LRP1B: variants seen among roughly 807,000 people sequenced by gnomAD.
LRP1B encodes low-density lipoprotein receptor-related protein 1B.
In LRP1B, 217 loss-of-function variants were observed where a neutral mutation model predicts 556.6. The observed-to-expected ratio is 0.39, with a 90% CI of 0.35 to 0.44. The LOEUF is 0.44. Ranked by LOEUF, LRP1B falls within the 20% of genes least tolerant of loss-of-function variation. The probability of loss-of-function intolerance (pLI) is 1.00; values close to 1 mark genes in which losing one functional copy is unlikely to be tolerated. For synonymous variants in LRP1B, 2,047 were observed against 1,865.8 expected, an observed-to-expected ratio of 1.10 and a Z score of -2.50; for missense variants, 5,053 against 5,620.8, an observed-to-expected ratio of 0.90 and a Z score of 3.23.
In LRP1B at chr2:140,868,137, C is replaced by A. The variant is rs2105156042; in HGVS notation, c.4296G>T (p.Val1432=). ...KTGAWPNGLT[V]DHFEKRIVWT... Reference sequence around the variant, plus strand: ...ACACTATCCTTTTCTCAAAGTGGTCCACAGTTAGTCCATTAGGCCAAGCCC... The same window carrying A: ...ACACTATCCTTTTCTCAAAGTGGTCAACAGTTAGTCCATTAGGCCAAGCCC... The change falls in exon 26 of 91, where the codon GTG becomes GTT. Residue 1432 remains valine, a synonymous_variant. Coordinates refer to ENST00000389484, the MANE Select transcript of LRP1B (RefSeq NM_018557.3). The A allele has an allele frequency of 6.2e-7, 1 of 1,609,310 alleles. No individual in the cohort carries two copies. Among genetic ancestry groups the A allele is most frequent in the Middle Eastern group, 1.7e-4 (1 of 6,032 alleles).
intron 1 of LRP1B, among the ~76,000 whole-genome samples, chr2:141,876,887 C>T (rs1297132050): frequency 1.3e-5 from 2 of 151,850 alleles, no homozygotes; most frequent in African/African-American, 4.8e-5. Context: ...AGTACTTTAT[C>T]AACTACAGGT....
At chr2:140,867,394 T>A (rs1398220998) in intron 27 of LRP1B, among the ~76,000 whole-genome samples, 196 bp downstream of exon 27, 1 of 152,012 alleles carries the variant, frequency 6.6e-6, no homozygotes, top group African/African-American at 2.4e-5. Context: ...AATATTTATA[T>A]GTAAATAAAA....
intron 82 of LRP1B, among the ~76,000 whole-genome samples, chr2:140,317,690 T>A (rs746634125): frequency 6.6e-6 from 1 of 152,144 alleles, no homozygotes; most frequent in Admixed American, 6.6e-5. Flanking sequence ...AGGTTGTGGA[T>A]GTGGACAGTG....
chr2:141,846,592 A>G (rs1018464076), intron 1 of LRP1B, among the ~76,000 whole-genome samples: 1 of 151,600 alleles, frequency 6.6e-6, no homozygotes, highest in Non-Finnish European at 1.5e-5. Context: ...TATAAAACAT[A>G]TTTATACAAA....
intron 84 of LRP1B, among the ~76,000 whole-genome samples, chr2:140,281,129 A>G (rs1032093863): frequency 2.0e-5 from 3 of 151,808 alleles, no homozygotes; most frequent in Admixed American, 1.3e-4. Context: ...TTCTCTTTTA[A>G]TGTTTCTTTT....
intron 20 of LRP1B, among the ~76,000 whole-genome samples, chr2:140,932,277 TATA>T (rs1233991804): frequency 6.6e-6 from 1 of 152,162 alleles, no homozygotes; most frequent in African/African-American, 2.4e-5. Context: ...TACAGATCTT[TATA>T]ATATGTCTGT....
chr2:141,041,017 A>T (rs1195194741), intron 11 of LRP1B, among the ~76,000 whole-genome samples: 2 of 152,070 alleles, frequency 1.3e-5, no homozygotes, highest in Non-Finnish European at 1.5e-5. Context: ...TTAACTTTAT[A>T]GCTCCTAAAA....
intron 25 of LRP1B, among the ~76,000 whole-genome samples, chr2:140,873,676 AAATGT>A (rs1401360864): frequency 6.6e-6 from 1 of 152,014 alleles, no homozygotes; most frequent in Non-Finnish European, 1.5e-5. Context: ...ATAATTAGGT[AAATGT>A]AATGGGATAA....
intron 7 of LRP1B, among the ~76,000 whole-genome samples, chr2:141,179,081 A>C (rs1345787871): frequency 6.6e-6 from 1 of 152,074 alleles, no homozygotes; most frequent in African/African-American, 2.4e-5. Context: ...GCAATTAATA[A>C]ATTTATATGG....
chr2:141,556,829 T>C (rs1259458142), intron 2 of LRP1B, among the ~76,000 whole-genome samples: 3 of 151,774 alleles, frequency 2.0e-5, no homozygotes, highest in Non-Finnish European at 4.4e-5. Context: ...GTTTTAGAGA[T>C]AAGAAAAGGC....
At chr2:141,464,606 A>ATATATATATATATATATATATATT in intron 3 of LRP1B, among the ~76,000 whole-genome samples, 8 of 90,540 alleles carry the variant, frequency 8.8e-5, no homozygotes, top group Non-Finnish European at 1.8e-4. Context: ...ATATATATAT[A>ATATATATATATATATATATATATT]TTTTTTTAGT....
At chr2:141,316,141 T>C (rs747171470) in intron 3 of LRP1B, among the ~76,000 whole-genome samples, 3 of 152,102 alleles carry the variant, frequency 2.0e-5, no homozygotes, top group Non-Finnish European at 4.4e-5. Context: ...CGTGGAAAGC[T>C]AATGATTTTG....
chr2:140,601,763 C>A (rs1309632738), intron 41 of LRP1B, 124 bp from the exon 42 acceptor site: 2 of 564,176 alleles, frequency 3.5e-6, no homozygotes, highest in Non-Finnish European at 5.6e-6. Context: ...TCCACAAAAT[C>A]TCCAAAATAA....
intron 67 of LRP1B, 117 bp from the exon 68 acceptor site, chr2:140,378,403 A>T (rs1683329871): frequency 3.4e-6 from 2 of 595,352 alleles, no homozygotes; most frequent in Non-Finnish European, 6.0e-6. Context: ...GTCAGACAGA[A>T]CCAATATATT....
At chr2:141,139,833 A>G (rs1258597457) in intron 7 of LRP1B, among the ~76,000 whole-genome samples, 1 of 149,922 alleles carries the variant, frequency 6.7e-6, no homozygotes, top group Non-Finnish European at 1.5e-5. Context: ...CACATAACCT[A>G]TCCCTTCTAC....
At chr2:141,204,408 G>A (rs151263693) in intron 6 of LRP1B, among the ~76,000 whole-genome samples, 635 of 152,186 alleles carry the variant, frequency 4.2e-3, no homozygotes, top group Non-Finnish European at 6.9e-3. Flanking sequence ...AGAGAAATCC[G>A]GATTTGGGAT....
At chr2:141,985,363 C>T (rs1702157263) in intron 1 of LRP1B, among the ~76,000 whole-genome samples, 1 of 152,224 alleles carries the variant, frequency 6.6e-6, no homozygotes, top group East Asian at 1.9e-4. Context: ...TTTGTGCCAG[C>T]ACATTACCAT....
chr2:140,463,254 G>A (rs1687398686), intron 60 of LRP1B, among the ~76,000 whole-genome samples: 1 of 152,094 alleles, frequency 6.6e-6, no homozygotes, highest in Admixed American at 6.6e-5. Flanking sequence ...GGCCAGGGTA[G>A]GCTAATCTCC....
At chr2:140,726,490 G>T (rs963818353) in intron 35 of LRP1B, among the ~76,000 whole-genome samples, 1 of 152,114 alleles carries the variant, frequency 6.6e-6, no homozygotes, top group African/African-American at 2.4e-5. Context: ...CTCCCGATAA[G>T]CTGGCTACAT....
Sources: allele counts gnomAD v4.1 joint callset (sites outside exome capture counted in the v4.1 genomes callset), GRCh38; gene constraint gnomAD v4.1.1; transcripts MANE v1.5; gene names NCBI Gene and HGNC (gene_info 2026-07-23, HGNC 2026-07-21).